The following EPAS1 variants were observed in gnomAD, a reference collection of about 807,000 sequenced individuals.
EPAS1 encodes the protein endothelial PAS domain-containing protein 1.
EPAS1 carries 23 observed loss-of-function variants against 87.9 expected under a neutral mutation model. The observed-to-expected ratio is 0.26, with a 90% CI of 0.19 to 0.37. EPAS1 has a LOEUF of 0.37. Among genes scored for constraint, EPAS1 ranks in the 10% least tolerant of loss-of-function variants. EPAS1 has a pLI of 1.00. For synonymous variants in EPAS1, 508 were observed against 444.3 expected (o/e 1.14, Z -1.80); for missense variants, 1,138 against 1,120.7 (o/e 1.02, Z -0.22).
intron 1 of EPAS1, among the ~76,000 whole-genome samples, chr2:46,304,800 A>C (rs1337691208): frequency 6.6e-6 from 1 of 151,986 alleles, no homozygotes; most frequent in African/African-American, 2.4e-5. Context: ...ATCAAGATGC[A>C]CAGGACTTCC....
chr2:46,298,640 C>T (rs924843126), intron 1 of EPAS1, among the ~76,000 whole-genome samples: 6 of 152,256 alleles, frequency 3.9e-5, no homozygotes, highest in Non-Finnish European at 8.8e-5. Context: ...CTGGATGTCC[C>T]TGGCAGGTCC....
At chr2:46,313,160 A>G (rs1683246728) in intron 1 of EPAS1, among the ~76,000 whole-genome samples, 1 of 152,208 alleles carries the variant, frequency 6.6e-6, no homozygotes, top group South Asian at 2.1e-4. Flanking sequence ...AGTGGGAAAA[A>G]GGCTTTGAGT....
chr2:46,325,435 T>C (rs963965831), intron 1 of EPAS1, among the ~76,000 whole-genome samples: 1 of 152,214 alleles, frequency 6.6e-6, no homozygotes, highest in Non-Finnish European at 1.5e-5. Flanking sequence ...CCTTCATTCA[T>C]GGTAAAAGCC....
chr2:46,376,533 C>CA lies in EPAS1; in HGVS notation c.1035-5dup. The CA allele has an allele frequency of 6.2e-7, 1 of 1,613,810 alleles. No homozygotes were observed. Among genetic ancestry groups the CA allele is most frequent in the South Asian group, 1.1e-5 (1 of 91,056 alleles). ...AAAGTCTGAATGGCTCTTTCCCCCC[C>CA]ATTAGTGAGATTGAGAAGAATGACG... On this transcript the variant is annotated splice_region_variant and splice_polypyrimidine_tract_variant and intron_variant, in intron 8 of 15. Transcript: ENST00000263734.
At chr2:46,305,717 T>TCC (rs60142646) in intron 1 of EPAS1, among the ~76,000 whole-genome samples, 3 of 152,030 alleles carry the variant, frequency 2.0e-5, no homozygotes, top group African/African-American at 7.3e-5. Flanking sequence ...TCTTGAACTA[T>TCC]CCCCCCATCC....
intron 4 of EPAS1, among the ~76,000 whole-genome samples, chr2:46,357,758 C>G (rs892295247): frequency 5.3e-5 from 8 of 152,220 alleles, no homozygotes; most frequent in Admixed American, 1.3e-4. Context: ...AAAGATGTAG[C>G]ATTCAGGACC....
At chr2:46,327,548 A>T (rs1238002176) in intron 1 of EPAS1, among the ~76,000 whole-genome samples, 1 of 152,168 alleles carries the variant, frequency 6.6e-6, no homozygotes, top group Non-Finnish European at 1.5e-5. Flanking sequence ...TTAATATTTA[A>T]ATTAAAGTTG....
chr2:46,362,009 G>A (rs113492837), intron 6 of EPAS1, among the ~76,000 whole-genome samples: 1 of 152,348 alleles, frequency 6.6e-6, no homozygotes, highest in East Asian at 1.9e-4. Flanking sequence ...AAATGCAGAA[G>A]ACTGGGCCCA....
At chr2:46,323,353 G>C (rs895436) in intron 1 of EPAS1, among the ~76,000 whole-genome samples, 69,492 of 152,088 alleles carry the variant, frequency 0.46, 16,227 homozygotes, top group East Asian at 0.67. Flanking sequence ...AATAAAGTAG[G>C]TGCCAAAGGC....
At chr2:46,364,115 C>G (rs1684457118) in intron 6 of EPAS1, among the ~76,000 whole-genome samples, 1 of 152,198 alleles carries the variant, frequency 6.6e-6, no homozygotes, top group South Asian at 2.1e-4. Context: ...CTCTCCGCCT[C>G]AATTCCCCTT....
At chr2:46,315,406 G>A (rs1343053822) in intron 1 of EPAS1, among the ~76,000 whole-genome samples, 1 of 152,184 alleles carries the variant, frequency 6.6e-6, no homozygotes, top group Non-Finnish European at 1.5e-5. Context: ...CCTTGAACTT[G>A]GGCCAGAAGA....
chr2:46,337,609 G>C (rs554277297), intron 1 of EPAS1, among the ~76,000 whole-genome samples: 1 of 152,194 alleles, frequency 6.6e-6, no homozygotes, highest in South Asian at 2.1e-4. Context: ...TGTAGGAACA[G>C]GATGGCAGCA....
Position 46,384,732 on chromosome 2 carries a change from G to T in EPAS1, c.*72G>T. On this transcript the variant is annotated 3_prime_UTR_variant, in exon 16 of 16. Transcript: ENST00000263734. The stretch of plus-strand genomic sequence containing the variant: ...AGCTTCACTCTCTCCGTCTGTTTTT[G>T]CAACTAGGTATTTCTAACGCCAGCA... 6.4e-7 allele frequency: 1 copy of T among 1,569,344 alleles called. No homozygotes were observed. The highest frequency in any genetic ancestry group is 8.6e-7 in the Non-Finnish European group (1 of 1,157,936).
chr2:46,302,302 G>A (rs1683024664), intron 1 of EPAS1, among the ~76,000 whole-genome samples: 1 of 152,082 alleles, frequency 6.6e-6, no homozygotes, highest in Non-Finnish European at 1.5e-5. Flanking sequence ...GTCATTAATT[G>A]TCTTGAGATT....
Position 46,369,867 on chromosome 2 carries a change from G to A in EPAS1, c.820G>A (p.Gly274Ser). The A allele has an allele frequency of 1.2e-6, 2 of 1,613,288 alleles. No homozygotes were observed. The highest frequency in any genetic ancestry group is 1.7e-6 in the Non-Finnish European group (2 of 1,179,688). The change falls in exon 7 of 16, where the codon GGC becomes AGC. Residue 274 changes from glycine to serine, a missense_variant. Physicochemically the swap from Gly to Ser is moderately conservative, Grantham distance 56. Coordinates refer to ENST00000263734, the MANE Select transcript of EPAS1 (RefSeq NM_001430.5). ...LIGYHPEELL[G>S]RSAYEFYHAL... ...TGGTTACCACCCTGAGGAGCTGCTT[G>A]GCCGCTCAGCCTATGAATTCTACCA...
At position 46,302,171 on chromosome 2, in the gene EPAS1, G is replaced by GGGC. The variant is rs372000976; in HGVS notation, c.26+4234_26+4235insGGC. The stretch of plus-strand genomic sequence containing the variant: ...GTGTGCCCGTGCGTCGGGGGGGGGG[G>GGGC]CAGTGGTGATTCTCAACTTTCTAGG... On this transcript the variant is annotated intron_variant, in intron 1 of 15. Transcript: ENST00000263734. Among the ~76,000 whole-genome samples the GGGC allele has an allele frequency of 3.0e-4, 44 of 144,918 alleles. 2 individuals are homozygous for GGGC. The highest frequency in any genetic ancestry group is 1.1e-3 in the African/African-American group (42 of 37,716).
At chr2:46,319,279 G>T (rs1216668569) in intron 1 of EPAS1, among the ~76,000 whole-genome samples, 1 of 152,224 alleles carries the variant, frequency 6.6e-6, no homozygotes. Context: ...TGGCCCATAT[G>T]TATGCTTTGA....
chr2:46,317,922 C>A (rs538739998), intron 1 of EPAS1, among the ~76,000 whole-genome samples: 1 of 152,348 alleles, frequency 6.6e-6, no homozygotes, highest in East Asian at 1.9e-4. Context: ...ATGCAGCTTC[C>A]TTACCTTGCT....
intron 15 of EPAS1, among the ~76,000 whole-genome samples, chr2:46,383,026 A>G (rs1684937432): frequency 6.6e-6 from 1 of 152,090 alleles, no homozygotes; most frequent in Non-Finnish European, 1.5e-5. Flanking sequence ...AGAGAGAGAG[A>G]GTTGGGAAGC....
Sources: allele counts gnomAD v4.1 joint callset (sites outside exome capture counted in the v4.1 genomes callset), GRCh38; gene constraint gnomAD v4.1.1; transcripts MANE v1.5; gene names NCBI Gene and HGNC (gene_info 2026-07-23, HGNC 2026-07-21).